CRIM1: variants seen among roughly 807,000 people sequenced by gnomAD.
CRIM1 encodes the protein cysteine-rich motor neuron 1 protein.
Under a neutral mutation model 116.4 loss-of-function variants are expected in CRIM1, and 32 were observed. The observed-to-expected ratio is 0.27, with a 90% CI of 0.21 to 0.37. CRIM1 has a LOEUF of 0.37. Ranked by LOEUF, CRIM1 falls within the 10% of genes least tolerant of loss-of-function variation. The pLI, the probability that CRIM1 is intolerant of heterozygous loss-of-function variation, is 1.00. For missense variants in CRIM1, 1,331 were observed against 1,354.8 expected (o/e 0.98, Z 0.28); for synonymous variants, 590 against 509.2 (o/e 1.16, Z -2.13).
intron 1 of CRIM1, among the ~76,000 whole-genome samples, chr2:36,366,028 G>A (rs555985837): frequency 1.3e-5 from 2 of 152,276 alleles, no homozygotes; most frequent in East Asian, 1.9e-4. Flanking sequence ...GCCCAGCCCA[G>A]AACTACATTT....
chr2:36,544,631 C>A, intron 15 of CRIM1, 133 bp downstream of exon 15: 1 of 955,172 alleles, frequency 1.0e-6, no homozygotes, highest in East Asian at 3.2e-5. Context: ...TATTCCCGGG[C>A]AGACCTGCTT....
At chr2:36,364,984 C>G (rs1016379886) in intron 1 of CRIM1, among the ~76,000 whole-genome samples, 4 of 152,086 alleles carry the variant, frequency 2.6e-5, no homozygotes, top group African/African-American at 9.7e-5. Flanking sequence ...TAAAAATTTA[C>G]CTTGTGGGCA....
intron 4 of CRIM1, among the ~76,000 whole-genome samples, chr2:36,444,101 A>G (rs1314054585): frequency 2.0e-5 from 3 of 152,248 alleles, no homozygotes. Flanking sequence ...AAGGTGGTAC[A>G]TTATATTGGA....
At chr2:36,438,188 T>C (rs954681756) in intron 2 of CRIM1, among the ~76,000 whole-genome samples, 4 of 151,952 alleles carry the variant, frequency 2.6e-5, no homozygotes, top group African/African-American at 9.7e-5. Context: ...TATGTTGGGT[T>C]TTAATGGAGA....
intron 7 of CRIM1, among the ~76,000 whole-genome samples, chr2:36,487,328 A>G (rs1056728963): frequency 5.3e-5 from 8 of 152,178 alleles, no homozygotes; most frequent in African/African-American, 1.9e-4. Flanking sequence ...TAAACATACT[A>G]AAATGTACAT....
chr2:36,545,814 T>A (rs1667283714), intron 15 of CRIM1, among the ~76,000 whole-genome samples: 1 of 152,210 alleles, frequency 6.6e-6, no homozygotes, highest in South Asian at 2.1e-4. Context: ...TCTATTTGAT[T>A]TGGAATATGG....
intron 4 of CRIM1, among the ~76,000 whole-genome samples, chr2:36,452,462 T>G (rs1159779771): frequency 1.3e-5 from 2 of 152,154 alleles, no homozygotes; most frequent in African/African-American, 2.4e-5. Context: ...AACTCATGAC[T>G]AAAAAAGCCA....
At position 36,529,871 on chromosome 2, in the gene CRIM1, A is replaced by C. The variant is rs368044600; in HGVS notation, c.2429-7481A>C. ...CTTGCACTTCCTACCCTAAGAAATA[A>C]ATGAAATAAAATAAAACAAAAATGG... On this transcript the variant is annotated intron_variant, in intron 13 of 16. Transcript: ENST00000280527. Among the ~76,000 whole-genome samples, 3 of 147,818 alleles carry C rather than the reference A, an allele frequency of 2.0e-5. No individual in the cohort carries two copies. The South Asian group carries it at 6.3e-4, about 31-fold the overall frequency.
intron 7 of CRIM1, among the ~76,000 whole-genome samples, chr2:36,489,340 T>C (rs1408445985): frequency 6.6e-6 from 1 of 152,190 alleles, no homozygotes. Context: ...GAAGCTGTAA[T>C]ATGTTTGGAG....
At chr2:36,470,146 C>A (rs746189808) in intron 5 of CRIM1, among the ~76,000 whole-genome samples, 1 of 152,208 alleles carries the variant, frequency 6.6e-6, no homozygotes, top group African/African-American at 2.4e-5. Flanking sequence ...TAAAAACACA[C>A]AGAACTCAAG....
intron 1 of CRIM1, among the ~76,000 whole-genome samples, chr2:36,376,467 G>T (rs1670327250): frequency 1.3e-5 from 2 of 152,214 alleles, no homozygotes; most frequent in African/African-American, 4.8e-5. Context: ...GGGCCAACTC[G>T]CATGAGCGGG....
chr2:36,462,161 A>G (rs921499768), intron 4 of CRIM1, among the ~76,000 whole-genome samples: 2 of 152,142 alleles, frequency 1.3e-5, no homozygotes, highest in Non-Finnish European at 2.9e-5. Flanking sequence ...GTTGGGTGCA[A>G]CTTCAGCTCT....
chr2:36,358,139 G>C (rs1668981290), intron 1 of CRIM1, among the ~76,000 whole-genome samples: 2 of 151,880 alleles, frequency 1.3e-5, no homozygotes, highest in Admixed American at 6.6e-5. Context: ...GGTTAGAAGA[G>C]ATCATTTGCC....
chr2:36,371,052 C>G (rs2148304497), intron 1 of CRIM1, among the ~76,000 whole-genome samples: 1 of 152,282 alleles, frequency 6.6e-6, no homozygotes, highest in South Asian at 2.1e-4. Flanking sequence ...TCAACACATT[C>G]TTCTTAATAT....
chr2:36,476,138 C>T (rs745990132), intron 5 of CRIM1, among the ~76,000 whole-genome samples: 4 of 151,780 alleles, frequency 2.6e-5, no homozygotes, highest in Admixed American at 6.6e-5. Flanking sequence ...TCATTGATAT[C>T]GTGATGAGAC....
intron 1 of CRIM1, among the ~76,000 whole-genome samples, chr2:36,385,271 G>A (rs1671091422): frequency 6.6e-6 from 1 of 152,194 alleles, no homozygotes; most frequent in Non-Finnish European, 1.5e-5. Context: ...AAGGTAAAGT[G>A]CATAGGAGTG....
chr2:36,462,728 G>A (rs1677679855), intron 4 of CRIM1, among the ~76,000 whole-genome samples: 1 of 152,188 alleles, frequency 6.6e-6, no homozygotes, highest in African/African-American at 2.4e-5. Context: ...TGGCCTGTCA[G>A]TATTCTAGCC....
intron 1 of CRIM1, among the ~76,000 whole-genome samples, chr2:36,386,472 C>G (rs1237654625): frequency 6.6e-6 from 1 of 152,162 alleles, no homozygotes; most frequent in Non-Finnish European, 1.5e-5. Context: ...AAAGATGTTT[C>G]TCTGTTATTT....
chr2:36,435,017 A>G (rs894729415), intron 2 of CRIM1, among the ~76,000 whole-genome samples: 3 of 152,108 alleles, frequency 2.0e-5, no homozygotes, highest in African/African-American at 7.2e-5. Context: ...ATAACCTGGC[A>G]TGGTGCTGTG....
Sources: gnomAD v4.1 joint callset for allele counts (sites outside exome capture counted in the v4.1 genomes callset) on GRCh38, gnomAD v4.1.1 for gene constraint, MANE v1.5 for transcripts, NCBI Gene and HGNC (gene_info 2026-07-23, HGNC 2026-07-21) for gene names.